Variants in GNB4 observed in about 807,000 individuals in gnomAD.
The protein encoded by GNB4 is G protein subunit beta 4.
Under a neutral mutation model 45.2 loss-of-function variants are expected in GNB4, and 28 were observed. The observed-to-expected ratio is 0.62, with a 90% CI of 0.46 to 0.85. The LOEUF (loss-of-function observed/expected upper bound fraction) is 0.85, where lower values mean the gene tolerates loss of function less well. Ranked by LOEUF, GNB4 falls within the 40% of genes least tolerant of loss-of-function variation. The probability of loss-of-function intolerance (pLI) is 0.00; values close to 1 mark genes in which losing one functional copy is unlikely to be tolerated. For synonymous variants in GNB4, 132 were observed against 143.7 expected (o/e 0.92, Z 0.58); for missense variants, 321 against 425.4 (o/e 0.75, Z 2.16).
At chr3:179,440,158 TATC>T (rs1715560214) in intron 1 of GNB4, among the ~76,000 whole-genome samples, 1 of 152,230 alleles carries the variant, frequency 6.6e-6, no homozygotes, top group South Asian at 2.1e-4. Context: ...TTTCAGGTGT[TATC>T]TTCTCTTTCC....
chr3:179,498,356 T>C, the GNB4 span, among the ~76,000 whole-genome samples: 1 of 152,222 alleles, frequency 6.6e-6, no homozygotes, highest in Non-Finnish European at 1.5e-5. Context: ...AACAAAGCTA[T>C]GCTCTACCCA....
the GNB4 span, among the ~76,000 whole-genome samples, chr3:179,485,546 C>T: frequency 6.6e-6 from 1 of 152,098 alleles, no homozygotes; most frequent in Non-Finnish European, 1.5e-5. Context: ...AGTTATGAAA[C>T]ATAAAGCAGG....
At chr3:179,442,373 T>C (rs1212644226) in intron 1 of GNB4, among the ~76,000 whole-genome samples, 2 of 152,198 alleles carry the variant, frequency 1.3e-5, no homozygotes, top group Admixed American at 1.3e-4. Flanking sequence ...TTACGTCAGC[T>C]CTGTAAAATA....
In GNB4 at chr3:179,398,875, G is replaced by C. The variant is rs1255336758; in HGVS notation, c.*2338C>G. 2 of 152,054 alleles carry C rather than the reference G, an allele frequency of 1.3e-5. No homozygotes were observed. Among genetic ancestry groups the C allele is most frequent in the African/African-American group, 4.8e-5 (2 of 41,394 alleles). 9.4% of individuals were successfully genotyped at this position (152,054 alleles called of 1,614,324 possible). ...TTGCCGAGTAAATATTTAATTATGG[G>C]AATTGCTTTAAACTCCTCTTCATAA... On this transcript the variant is annotated 3_prime_UTR_variant, in exon 10 of 10. Transcript: ENST00000232564.
At chr3:179,470,788 A>G in the GNB4 span, among the ~76,000 whole-genome samples, 1 of 152,066 alleles carries the variant, frequency 6.6e-6, no homozygotes, top group Non-Finnish European at 1.5e-5. Flanking sequence ...GCAAGAAAAT[A>G]TTTTTATATA....
In GNB4 at chr3:179,399,170, C is replaced by G. The variant is rs925380138; in HGVS notation, c.*2043G>C. 1.3e-5 allele frequency: 2 copies of G among 151,942 alleles called. No homozygotes were observed. Among genetic ancestry groups the G allele is most frequent in the African/African-American group, 4.8e-5 (2 of 41,336 alleles). The allele number at this position is 151,942 out of a possible 1,614,324, so 9.4% of individuals were successfully genotyped here. ...TTTATGAAGTGATATAAATAGCCTA[C>G]AAATAAACATTAATAGCAAAAGTTC... On this transcript the variant is annotated 3_prime_UTR_variant, in exon 10 of 10. Coordinates refer to ENST00000232564, the MANE Select transcript of GNB4 (RefSeq NM_021629.4).
chr3:179,422,607 T>C (rs6768007), intron 2 of GNB4, among the ~76,000 whole-genome samples: 400 of 152,300 alleles, frequency 2.6e-3, no homozygotes, highest in African/African-American at 9.3e-3. Flanking sequence ...GATACATACT[T>C]TTTTGCAAAT....
chr3:179,513,962 C>A, the GNB4 span, among the ~76,000 whole-genome samples: 2 of 152,148 alleles, frequency 1.3e-5, no homozygotes, highest in African/African-American at 4.8e-5. Flanking sequence ...GGCAGGCAAT[C>A]GACATTTCAT....
chr3:179,470,072 G>A, the GNB4 span, among the ~76,000 whole-genome samples: 2 of 152,178 alleles, frequency 1.3e-5, no homozygotes, highest in Admixed American at 1.3e-4. Context: ...TGATGCTGGT[G>A]TAAACAAACA....
chr3:179,510,107 G>A, the GNB4 span, among the ~76,000 whole-genome samples: 1 of 152,014 alleles, frequency 6.6e-6, no homozygotes, highest in African/African-American at 2.4e-5. Context: ...TGGGATTACA[G>A]GTGTGAGCCA....
At chr3:179,434,417 T>C (rs2108611620) in intron 1 of GNB4, among the ~76,000 whole-genome samples, 1 of 152,158 alleles carries the variant, frequency 6.6e-6, no homozygotes, top group South Asian at 2.1e-4. Context: ...AAATGATACA[T>C]TGCTTAACAA....
At chr3:179,434,509 C>T (rs1715392450) in intron 1 of GNB4, among the ~76,000 whole-genome samples, 1 of 151,838 alleles carries the variant, frequency 6.6e-6, no homozygotes, top group African/African-American at 2.4e-5. Context: ...TCACTTGAGG[C>T]CAGGAGTTTG....
chr3:179,527,492 AC>A, the GNB4 span, among the ~76,000 whole-genome samples: 1 of 152,200 alleles, frequency 6.6e-6, no homozygotes, highest in Admixed American at 6.5e-5. Flanking sequence ...CAAGAGCTGC[AC>A]TAAATGTTTT....
chr3:179,462,174 A>G, the GNB4 span, among the ~76,000 whole-genome samples: 83 of 150,478 alleles, frequency 5.5e-4, no homozygotes, highest in African/African-American at 1.4e-3. Context: ...GTGTGTGCAC[A>G]TGTGTGTGTG....
At chr3:179,507,479 A>G in the GNB4 span, among the ~76,000 whole-genome samples, 1 of 152,212 alleles carries the variant, frequency 6.6e-6, no homozygotes, top group Non-Finnish European at 1.5e-5. Context: ...CATGGTGAGT[A>G]GACAAAATTC....
intron 1 of GNB4, among the ~76,000 whole-genome samples, chr3:179,433,980 TTA>T (rs1026554507): frequency 2.0e-5 from 3 of 152,298 alleles, no homozygotes; most frequent in Middle Eastern, 3.4e-3. Context: ...TAATAACATT[TTA>T]TGTCTCAACC....
At chr3:179,464,069 A>G in the GNB4 span, among the ~76,000 whole-genome samples, 1 of 152,200 alleles carries the variant, frequency 6.6e-6, no homozygotes, top group East Asian at 1.9e-4. Flanking sequence ...ATATATATGT[A>G]TATCAAATAC....
chr3:179,491,605 A>G, the GNB4 span, among the ~76,000 whole-genome samples: 1 of 152,232 alleles, frequency 6.6e-6, no homozygotes, highest in Non-Finnish European at 1.5e-5. Flanking sequence ...CTGGACCCCA[A>G]GCTGACTGAA....
At chr3:179,440,795 T>C (rs1157502017) in intron 1 of GNB4, among the ~76,000 whole-genome samples, 1 of 152,144 alleles carries the variant, frequency 6.6e-6, no homozygotes, top group African/African-American at 2.4e-5. Flanking sequence ...TAAAACCTAA[T>C]GCAGAGTACA....
Sources: allele counts gnomAD v4.1 joint callset (sites outside exome capture counted in the v4.1 genomes callset), GRCh38; gene constraint gnomAD v4.1.1; transcripts MANE v1.5; gene names NCBI Gene and HGNC (gene_info 2026-07-23, HGNC 2026-07-21).